Variants in LRRTM4 observed in about 807,000 individuals in gnomAD.
The protein encoded by LRRTM4 is leucine-rich repeat transmembrane neuronal protein 4.
In LRRTM4, 25 loss-of-function variants were observed where a neutral mutation model predicts 47.6. The observed-to-expected ratio is 0.53, with a 90% confidence interval of 0.38 to 0.73. LRRTM4 has a LOEUF of 0.73. Among genes scored for constraint, LRRTM4 ranks in the 30% least tolerant of loss-of-function variants. LRRTM4 has a pLI of 0.00. For synonymous variants in LRRTM4, 311 were observed against 269.5 expected, an observed-to-expected ratio of 1.15 and a Z score of -1.51; for missense variants, 638 against 713.4, an observed-to-expected ratio of 0.89 and a Z score of 1.20.
chr2:77,459,746 A>T (rs1676708371), intron 3 of LRRTM4, among the ~76,000 whole-genome samples: 1 of 141,842 alleles, frequency 7.1e-6, no homozygotes. Context: ...TTTAGTGTAT[A>T]AACTGGTTTT....
intron 3 of LRRTM4, among the ~76,000 whole-genome samples, chr2:77,156,854 G>C (rs1472245471): frequency 1.3e-5 from 2 of 151,652 alleles, no homozygotes; most frequent in African/African-American, 4.8e-5. Context: ...CTATAGATGT[G>C]AGCTACAGGG....
At chr2:77,270,532 A>C (rs1573174296) in intron 3 of LRRTM4, among the ~76,000 whole-genome samples, 1 of 152,212 alleles carries the variant, frequency 6.6e-6, no homozygotes, top group Non-Finnish European at 1.5e-5. Flanking sequence ...CTAGGAGAAA[A>C]TGTCTGCTCC....
At chr2:77,102,920 G>T (rs1163275366) in intron 3 of LRRTM4, among the ~76,000 whole-genome samples, 1 of 152,056 alleles carries the variant, frequency 6.6e-6, no homozygotes, top group African/African-American at 2.4e-5. Flanking sequence ...TAAAAAGATT[G>T]AGGTGAGTCT....
intron 3 of LRRTM4, among the ~76,000 whole-genome samples, chr2:76,818,598 CTA>C (rs1253869050): frequency 6.6e-6 from 1 of 151,756 alleles, no homozygotes; most frequent in Non-Finnish European, 1.5e-5. Context: ...AATTCTCACT[CTA>C]TGTCTAATTA....
chr2:77,014,604 G>A (rs1032074010), intron 3 of LRRTM4, among the ~76,000 whole-genome samples: 1 of 151,738 alleles, frequency 6.6e-6, no homozygotes, highest in Non-Finnish European at 1.5e-5. Flanking sequence ...CTGAGGTCAG[G>A]AGTTTGAGAC....
chr2:77,026,925 A>T (rs1678474232), intron 3 of LRRTM4, among the ~76,000 whole-genome samples: 4 of 152,254 alleles, frequency 2.6e-5, no homozygotes, highest in Middle Eastern at 6.8e-3. Flanking sequence ...TTTGAAGGAA[A>T]ATATATGGCA....
At chr2:76,772,881 G>C (rs1673772841) in intron 3 of LRRTM4, 1 of 152,030 alleles carries the variant, frequency 6.6e-6, no homozygotes, top group Non-Finnish European at 1.5e-5. Flanking sequence ...GGAATATATA[G>C]GAAAAACATA....
intron 3 of LRRTM4, among the ~76,000 whole-genome samples, chr2:77,297,256 A>T: frequency 6.6e-6 from 1 of 152,194 alleles, no homozygotes; most frequent in Non-Finnish European, 1.5e-5. Context: ...ATTTAGAAGA[A>T]TTTTCCTCCT....
chr2:77,283,173 GAACA>G (rs1444660830), intron 3 of LRRTM4, among the ~76,000 whole-genome samples: 1 of 151,828 alleles, frequency 6.6e-6, no homozygotes, highest in Non-Finnish European at 1.5e-5. Flanking sequence ...CAAAATACAT[GAACA>G]GACACTTCTC....
intron 3 of LRRTM4, among the ~76,000 whole-genome samples, chr2:76,907,587 G>T (rs1673892743): frequency 7.1e-6 from 1 of 141,454 alleles, no homozygotes; most frequent in African/African-American, 2.7e-5. Flanking sequence ...AAAATTGATA[G>T]ACCACTAGCA....
At chr2:77,201,443 T>A (rs554507424) in intron 3 of LRRTM4, among the ~76,000 whole-genome samples, 37 of 152,286 alleles carry the variant, frequency 2.4e-4, no homozygotes, top group South Asian at 1.9e-3. Flanking sequence ...TAAAATTAAT[T>A]CATTGAATTT....
At chr2:77,294,240 A>T (rs1164118160) in intron 3 of LRRTM4, among the ~76,000 whole-genome samples, 1 of 151,816 alleles carries the variant, frequency 6.6e-6, no homozygotes, top group Non-Finnish European at 1.5e-5. Context: ...CTATTCGATC[A>T]ATAGTGACTT....
At chr2:77,022,102 T>C (rs1678295577) in intron 3 of LRRTM4, among the ~76,000 whole-genome samples, 1 of 152,106 alleles carries the variant, frequency 6.6e-6, no homozygotes, top group Non-Finnish European at 1.5e-5. Context: ...TGGGGAGGCC[T>C]CAGAATCATG....
intron 3 of LRRTM4, among the ~76,000 whole-genome samples, chr2:77,412,786 A>G (rs1246947843): frequency 6.6e-6 from 1 of 152,208 alleles, no homozygotes; most frequent in Admixed American, 6.5e-5. Flanking sequence ...AATTAAAATA[A>G]AATAAGCAGC....
intron 3 of LRRTM4, among the ~76,000 whole-genome samples, chr2:77,296,955 A>G (rs1298901188): frequency 6.6e-6 from 1 of 152,196 alleles, no homozygotes; most frequent in Non-Finnish European, 1.5e-5. Flanking sequence ...AGAAAGTGAG[A>G]TCTAGGCTCA....
chr2:77,436,593 C>T (rs932594713), intron 3 of LRRTM4, among the ~76,000 whole-genome samples: 1 of 151,526 alleles, frequency 6.6e-6, no homozygotes, highest in Non-Finnish European at 1.5e-5. Flanking sequence ...AAATAACATG[C>T]GTTTAAACAA....
intron 3 of LRRTM4, among the ~76,000 whole-genome samples, chr2:76,981,693 A>C (rs1420793537): frequency 1.6e-4 from 24 of 151,568 alleles, no homozygotes; most frequent in Non-Finnish European, 7.4e-5. Flanking sequence ...GAGTCTCGTT[A>C]TTTTGCCAGG....
chr2:77,190,336 C>A (rs1047635077), intron 3 of LRRTM4, among the ~76,000 whole-genome samples: 2 of 144,228 alleles, frequency 1.4e-5, no homozygotes, highest in South Asian at 4.4e-4. Flanking sequence ...ACTGTTGTCA[C>A]CCAGGCTGGA....
chr2:77,383,688 G>A (rs2103797756), intron 3 of LRRTM4, among the ~76,000 whole-genome samples: 1 of 152,084 alleles, frequency 6.6e-6, no homozygotes, highest in African/African-American at 2.4e-5. Flanking sequence ...CCTTCATAGA[G>A]ATGAAAAAAA....
Sources: gnomAD v4.1 joint callset for allele counts (sites outside exome capture counted in the v4.1 genomes callset) on GRCh38, gnomAD v4.1.1 for gene constraint, MANE v1.5 for transcripts, NCBI Gene and HGNC (gene_info 2026-07-23, HGNC 2026-07-21) for gene names.